Variants in LRRK1 observed in about 807,000 individuals in gnomAD.
LRRK1 encodes leucine-rich repeat serine/threonine-protein kinase 1.
Under a neutral mutation model 209.1 loss-of-function variants are expected in LRRK1, and 113 were observed. The observed-to-expected ratio is 0.54, with a 90% CI of 0.46 to 0.63. LRRK1 has a LOEUF of 0.63. Ranked by LOEUF, LRRK1 falls within the 30% of genes least tolerant of loss-of-function variation. The pLI is 0.00. For missense variants in LRRK1, 2,284 were observed against 2,632.2 expected, an observed-to-expected ratio of 0.87 and a Z score of 2.89; for synonymous variants, 1,144 against 1,099.7, an observed-to-expected ratio of 1.04 and a Z score of -0.80.
At chr15:101,018,628 A>G (rs1056412157) in intron 12 of LRRK1, among the ~76,000 whole-genome samples, 11 of 152,206 alleles carry the variant, frequency 7.2e-5, no homozygotes, top group African/African-American at 2.7e-4. Flanking sequence ...ATGCATGGAA[A>G]AGCACCATAG....
At chr15:101,023,302 C>T in intron 15 of LRRK1, among the ~76,000 whole-genome samples, 1 of 152,316 alleles carries the variant, frequency 6.6e-6, no homozygotes, top group South Asian at 2.1e-4. Flanking sequence ...TGCACTCCAG[C>T]CTGGCGACAG....
intron 33 of LRRK1, 52 bp from the exon 34 acceptor site, chr15:101,068,619 C>T: frequency 6.6e-7 from 1 of 1,522,392 alleles, no homozygotes; most frequent in Non-Finnish European, 8.8e-7. Flanking sequence ...GGTCCCAACC[C>T]CACCCGAGTG....
At chr15:101,063,668 T>C (rs1342450805) in intron 31 of LRRK1, among the ~76,000 whole-genome samples, 1 of 151,792 alleles carries the variant, frequency 6.6e-6, no homozygotes, top group African/African-American at 2.4e-5. Flanking sequence ...TTTGCCCATC[T>C]ACAAAACAGG....
intron 2 of LRRK1, among the ~76,000 whole-genome samples, chr15:100,948,957 C>G (rs553293696): frequency 2.6e-5 from 4 of 151,844 alleles, no homozygotes; most frequent in Non-Finnish European, 5.9e-5. Context: ...AAACTTCCAC[C>G]TTAAGAAACT....
At chr15:100,935,978 C>G (rs908192435) in intron 2 of LRRK1, among the ~76,000 whole-genome samples, 3 of 152,198 alleles carry the variant, frequency 2.0e-5, no homozygotes, top group Non-Finnish European at 2.9e-5. Context: ...CCTCCCAAGG[C>G]ATAGGCCTAG....
intron 33 of LRRK1, 130 bp from the exon 34 acceptor site, chr15:101,068,541 G>C: frequency 2.2e-6 from 2 of 918,498 alleles, no homozygotes; most frequent in Non-Finnish European, 3.2e-6. Flanking sequence ...ACCCCAGAGA[G>C]GGCTGGCAAG....
chr15:101,038,196 C>T (rs2034575439), intron 20 of LRRK1, among the ~76,000 whole-genome samples: 1 of 151,932 alleles, frequency 6.6e-6, no homozygotes, highest in Non-Finnish European at 1.5e-5. Flanking sequence ...AAGAATAATA[C>T]AATGGATTTT....
intron 2 of LRRK1, among the ~76,000 whole-genome samples, chr15:100,941,212 CTG>C (rs2042395227): frequency 7.2e-6 from 1 of 138,018 alleles, no homozygotes; most frequent in African/African-American, 2.8e-5. Context: ...CTGTGTGTGT[CTG>C]TATGTGTCTG....
intron 20 of LRRK1, among the ~76,000 whole-genome samples, chr15:101,039,475 A>G (rs2034639841): frequency 6.6e-6 from 1 of 152,186 alleles, no homozygotes; most frequent in African/African-American, 2.4e-5. Flanking sequence ...TGCTAAATTC[A>G]CCTATTAGCT....
chr15:101,013,965 C>T (rs924754431), intron 10 of LRRK1, among the ~76,000 whole-genome samples: 4 of 152,186 alleles, frequency 2.6e-5, no homozygotes, highest in African/African-American at 9.6e-5. Flanking sequence ...AGCCGTTGTC[C>T]TCCAAACCAT....
intron 6 of LRRK1, among the ~76,000 whole-genome samples, chr15:101,004,330 A>G (rs1191749724): frequency 6.6e-6 from 1 of 152,146 alleles, no homozygotes; most frequent in Admixed American, 6.5e-5. Flanking sequence ...ATGTTCTGCT[A>G]AAGGCGGAGT....
intron 2 of LRRK1, among the ~76,000 whole-genome samples, chr15:100,932,996 C>T (rs2042237090): frequency 6.6e-6 from 1 of 152,194 alleles, no homozygotes; most frequent in African/African-American, 2.4e-5. Flanking sequence ...TTCCCTGCTA[C>T]CTCCATCGGC....
rs573538062 is a variant in LRRK1, at chr15:100,950,959, C to T, written c.98-22845C>T. The stretch of plus-strand genomic sequence containing the variant: ...TCTACTAAAAATACAAAAAATTAGC[C>T]GGGCGTGGTGGCGGGCGCCTGTAGT... On this transcript the variant is annotated intron_variant, in intron 2 of 33. Transcript: ENST00000388948. Among the ~76,000 whole-genome samples the T allele has an allele frequency of 1.8e-4, 27 of 152,224 alleles. No homozygotes were observed. In the South Asian group the frequency reaches 4.3e-3, roughly 25 times the overall value.
At chr15:101,063,910 G>A (rs1403737193) in intron 31 of LRRK1, among the ~76,000 whole-genome samples, 10 of 152,116 alleles carry the variant, frequency 6.6e-5, no homozygotes, top group South Asian at 2.1e-4. Context: ...GTACCAGAGC[G>A]CAGGAGAACA....
In LRRK1 at chr15:100,993,898, C is replaced by A. The variant is rs150600206; in HGVS notation, c.762+4500C>A. On this transcript the variant is annotated intron_variant, in intron 6 of 33. Coordinates refer to ENST00000388948, the MANE Select transcript of LRRK1 (RefSeq NM_024652.6). ...ATATTCTACTTTCTGTATATTTCTA[C>A]CTATCTGTTCCTTGGTTGGTTTTCT... Among the ~76,000 whole-genome samples the A allele has an allele frequency of 2.9e-3, 435 of 152,280 alleles. 2 individuals carry two copies. Among genetic ancestry groups the A allele is most frequent in the African/African-American group, 9.9e-3 (410 of 41,556 alleles).
intron 6 of LRRK1, among the ~76,000 whole-genome samples, chr15:100,995,048 C>G (rs1277490669): frequency 6.6e-6 from 1 of 152,200 alleles, no homozygotes; most frequent in Non-Finnish European, 1.5e-5. Flanking sequence ...TGCTGGCACT[C>G]ATGGCTGTGA....
chr15:100,963,638 G>A (rs1182096648), intron 2 of LRRK1, among the ~76,000 whole-genome samples: 1 of 152,234 alleles, frequency 6.6e-6, no homozygotes, highest in Non-Finnish European at 1.5e-5. Flanking sequence ...TGGCTCGGGA[G>A]TAGTCTTTTA....
chr15:101,055,630 C>A (rs1031849026), intron 27 of LRRK1, among the ~76,000 whole-genome samples: 1 of 152,128 alleles, frequency 6.6e-6, no homozygotes, highest in African/African-American at 2.4e-5. Context: ...AGACCCTTGG[C>A]CTTAAGTCCC....
intron 3 of LRRK1, among the ~76,000 whole-genome samples, chr15:100,982,008 C>T (rs2141662318): frequency 6.6e-6 from 1 of 152,366 alleles, no homozygotes; most frequent in South Asian, 2.1e-4. Context: ...CCTCAGTGCC[C>T]AGTCCCACCT....
Sources: gnomAD v4.1 joint callset for allele counts (sites outside exome capture counted in the v4.1 genomes callset) on GRCh38, gnomAD v4.1.1 for gene constraint, MANE v1.5 for transcripts, NCBI Gene and HGNC (gene_info 2026-07-23, HGNC 2026-07-21) for gene names.